The following MMP26 variants were observed in gnomAD, a reference collection of about 807,000 sequenced individuals.
MMP26 encodes matrix metallopeptidase 26.
In MMP26, 33 loss-of-function variants were observed where a neutral mutation model predicts 31.0. The observed-to-expected ratio is 1.06, with a 90% confidence interval of 0.81 to 1.42. The LOEUF is 1.42. Among genes scored for constraint, MMP26 ranks in the 40% most tolerant of loss-of-function variants. MMP26 has a pLI of 0.00. For synonymous variants in MMP26, 122 were observed against 114.9 expected (o/e 1.06, Z -0.40); for missense variants, 347 against 316.1 (o/e 1.10, Z -0.74).
At chr11:4,805,319 A>G (rs1036746924) in intron 2 of MMP26, among the ~76,000 whole-genome samples, 3 of 152,210 alleles carry the variant, frequency 2.0e-5, no homozygotes, top group Non-Finnish European at 4.4e-5. Context: ...GGTTTCTCCT[A>G]GACAAGAAGT....
At chr11:4,951,910 C>T (rs1317632093) in intron 2 of MMP26, among the ~76,000 whole-genome samples, 4 of 124,714 alleles carry the variant, frequency 3.2e-5, no homozygotes, top group South Asian at 2.4e-4. Context: ...GTTCAAAACA[C>T]GTATAGAAAC....
chr11:4,770,334 A>C (rs1217582890), intron 2 of MMP26, among the ~76,000 whole-genome samples: 1 of 152,260 alleles, frequency 6.6e-6, no homozygotes, highest in Non-Finnish European at 1.5e-5. Context: ...ATGGTTCTTC[A>C]GTGACCATAA....
chr11:4,865,633 G>C (rs1357642610), intron 2 of MMP26, among the ~76,000 whole-genome samples: 1 of 152,000 alleles, frequency 6.6e-6, no homozygotes, highest in East Asian at 1.9e-4. Flanking sequence ...CTTCTTCGCA[G>C]AGGAGTAGCA....
chr11:4,848,168 T>G, intron 2 of MMP26: 149 of 1,476,342 alleles, frequency 1.0e-4, no homozygotes, highest in Middle Eastern at 1.8e-4. Context: ...TCATGCTTGG[T>G]GAGCTGAGTT....
intron 2 of MMP26, among the ~76,000 whole-genome samples, chr11:4,901,147 T>C (rs1850794182): frequency 8.5e-6 from 1 of 117,894 alleles, no homozygotes; most frequent in Admixed American, 1.1e-4. Flanking sequence ...CACCTCTTTG[T>C]GCTTTTTTTT....
At chr11:4,820,878 T>A (rs1231573821) in intron 2 of MMP26, among the ~76,000 whole-genome samples, 1 of 151,124 alleles carries the variant, frequency 6.6e-6, no homozygotes, top group Non-Finnish European at 1.5e-5. Flanking sequence ...ATGCGATCAA[T>A]ATTTATTTTT....
chr11:4,784,993 C>T (rs966722791), intron 2 of MMP26, among the ~76,000 whole-genome samples: 1 of 152,140 alleles, frequency 6.6e-6, no homozygotes, highest in Non-Finnish European at 1.5e-5. Context: ...GAGTCACAGG[C>T]CCATCCAGAT....
chr11:4,740,875 T>G (rs1331986679), intron 1 of MMP26, among the ~76,000 whole-genome samples: 1 of 152,144 alleles, frequency 6.6e-6, no homozygotes, highest in Non-Finnish European at 1.5e-5. Flanking sequence ...TACATGATAT[T>G]CCAGTGGCCT....
chr11:4,825,289 C>G (rs1849564654), intron 2 of MMP26, among the ~76,000 whole-genome samples: 1 of 152,132 alleles, frequency 6.6e-6, no homozygotes, highest in African/African-American at 2.4e-5. Flanking sequence ...TCATCATTTT[C>G]CCATTACTGT....
chr11:4,747,239 G>A (rs1238123981), intron 1 of MMP26, among the ~76,000 whole-genome samples: 2 of 152,126 alleles, frequency 1.3e-5, no homozygotes, highest in African/African-American at 4.8e-5. Context: ...AAACCACAGA[G>A]GGCTAATAGC....
chr11:4,904,917 T>C (rs1388941962), intron 2 of MMP26, among the ~76,000 whole-genome samples: 1 of 152,136 alleles, frequency 6.6e-6, no homozygotes, highest in African/African-American at 2.4e-5. Flanking sequence ...CCTTTTAACA[T>C]GGAGTAGTCA....
chr11:4,780,044 T>C (rs1848837889), intron 2 of MMP26, among the ~76,000 whole-genome samples: 1 of 152,210 alleles, frequency 6.6e-6, no homozygotes, highest in Non-Finnish European at 1.5e-5. Flanking sequence ...TTATCATCAT[T>C]GCATAGAATT....
At chr11:4,890,599 T>C (rs930198563) in intron 2 of MMP26, 4 of 152,180 alleles carry the variant, frequency 2.6e-5, no homozygotes, top group African/African-American at 7.2e-5. Context: ...AGGTGCATGA[T>C]GAGTCCATTG....
intron 2 of MMP26, among the ~76,000 whole-genome samples, chr11:4,975,945 T>G (rs1846731385): frequency 6.6e-6 from 1 of 152,062 alleles, no homozygotes; most frequent in Non-Finnish European, 1.5e-5. Context: ...AGCTAATAAC[T>G]TTGAGCTTAT....
In MMP26 at chr11:4,966,013, T is replaced by A. The variant is rs187558795; in HGVS notation, c.-144-22055T>A. 1.5e-4 allele frequency among the ~76,000 whole-genome samples: 23 copies of A among 152,328 alleles called. No homozygotes were observed. In the Middle Eastern group the frequency reaches 0.01, roughly 68 times the overall value. On this transcript the variant is annotated intron_variant, in intron 2 of 7. Coordinates refer to ENST00000380390, the MANE Select transcript of MMP26 (RefSeq NM_021801.5). The stretch of plus-strand genomic sequence containing the variant: ...GTTTAAGCACCATGATTTGCCTTTT[T>A]ATAAAAATTAAGTGGTTTACATTTT...
At chr11:4,940,749 T>C (rs2133600225) in intron 2 of MMP26, among the ~76,000 whole-genome samples, 1 of 152,264 alleles carries the variant, frequency 6.6e-6, no homozygotes, top group South Asian at 2.1e-4. Flanking sequence ...GAAAACTGCA[T>C]GTGATCAGAA....
Position 4,954,541 on chromosome 11 carries a change from G to A in MMP26, c.-144-33527G>A, listed in dbSNP as rs112922118. On this transcript the variant is annotated intron_variant, in intron 2 of 7. Coordinates refer to ENST00000380390, the MANE Select transcript of MMP26 (RefSeq NM_021801.5). ...TTGTAATTTGTTGTTTGTATCAGAG[G>A]TGCTATCATAAGACATTTATTTTTA... 3.2e-5 allele frequency among the ~76,000 whole-genome samples: 4 copies of A among 124,508 alleles called. 1 individual carries two copies. Among genetic ancestry groups the A allele is most frequent in the Admixed American group, 8.9e-5 (1 of 11,246 alleles). 81.7% of individuals were successfully genotyped at this position (124,508 alleles called of 152,430 possible). A position where few individuals can be genotyped will look rare whatever the true frequency, so the allele number is the denominator to read the frequency against.
intron 1 of MMP26, among the ~76,000 whole-genome samples, chr11:4,765,633 T>C (rs1300060082): frequency 6.6e-6 from 1 of 152,190 alleles, no homozygotes; most frequent in Non-Finnish European, 1.5e-5. Flanking sequence ...CTGGCTTCTA[T>C]TATGTCAAGG....
intron 2 of MMP26, among the ~76,000 whole-genome samples, chr11:4,982,782 A>G (rs75750057): frequency 0.022 from 3,403 of 152,294 alleles, 57 homozygotes; most frequent in Non-Finnish European, 0.035. Context: ...TCTTATCTGT[A>G]TGAAAGAGGT....
Sources: gnomAD v4.1 joint callset for allele counts (sites outside exome capture counted in the v4.1 genomes callset) on GRCh38, gnomAD v4.1.1 for gene constraint, MANE v1.5 for transcripts, NCBI Gene and HGNC (gene_info 2026-07-23, HGNC 2026-07-21) for gene names.